FA2H: variants seen among roughly 807,000 people sequenced by gnomAD.
The protein encoded by FA2H is fatty acid 2-hydroxylase.
A neutral mutation model predicts 44.9 loss-of-function variants in FA2H; 22 were observed. The observed-to-expected ratio is 0.49, with a 90% CI of 0.35 to 0.70. The LOEUF is 0.70. Among genes scored for constraint, FA2H ranks in the 30% least tolerant of loss-of-function variants. The pLI is 0.01. For missense variants in FA2H, 501 were observed against 504.9 expected, an observed-to-expected ratio of 0.99 and a Z score of 0.07; for synonymous variants, 243 against 213.2, an observed-to-expected ratio of 1.14 and a Z score of -1.22.
In FA2H at chr16:74,769,154, A is replaced by G. The variant is rs115424433; in HGVS notation, c.270+5332T>C. Among the ~76,000 whole-genome samples, 476 of 152,294 alleles carry G rather than the reference A, an allele frequency of 3.1e-3. 5 individuals carry two copies. Among genetic ancestry groups the G allele is most frequent in the African/African-American group, 0.011 (464 of 41,564 alleles). ...GTCACTCAGGCTGCAGTGCAGTGGCATGATCACAGCTTATTGCAGGCTCAA... is the reference window on the plus strand; with the variant it reads ...GTCACTCAGGCTGCAGTGCAGTGGCGTGATCACAGCTTATTGCAGGCTCAA... On this transcript the variant is annotated intron_variant, in intron 1 of 6. Transcript: ENST00000219368.
intron 1 of FA2H, among the ~76,000 whole-genome samples, chr16:74,767,191 C>T (rs892487679): frequency 6.6e-6 from 1 of 152,032 alleles, no homozygotes; most frequent in Admixed American, 6.6e-5. Flanking sequence ...TGCCTGTAAT[C>T]CCAGCTACTT....
At position 74,768,031 on chromosome 16, in the gene FA2H, C is replaced by T. The variant is rs140743874; in HGVS notation, c.270+6455G>A. On this transcript the variant is annotated intron_variant, in intron 1 of 6. Coordinates refer to ENST00000219368, the MANE Select transcript of FA2H (RefSeq NM_024306.5). ...TTCTGTGATGTGGTGGGTTTCAGAG[C>T]GCATGGGATGCTTATCACCTGTCTA... 6.8e-3 allele frequency among the ~76,000 whole-genome samples: 1,029 copies of T among 152,096 alleles called. 6 individuals are homozygous for T. Among genetic ancestry groups the T allele is most frequent in the Middle Eastern group, 0.01 (3 of 294 alleles).
chr16:74,742,283 T>C (rs911087545), intron 1 of FA2H, among the ~76,000 whole-genome samples: 1 of 152,088 alleles, frequency 6.6e-6, no homozygotes, highest in South Asian at 2.1e-4. Context: ...GTGAAACAAA[T>C]GGAGTGGGTG....
intron 1 of FA2H, among the ~76,000 whole-genome samples, chr16:74,750,792 TAAGAGACA>T (rs1962514171): frequency 2.0e-5 from 3 of 151,410 alleles, no homozygotes; most frequent in Non-Finnish European, 4.4e-5. Context: ...TGTGTGTGTT[TAAGAGACA>T]GGGTCTCGCT....
Position 74,726,218 on chromosome 16 carries a change from G to A in FA2H, c.613+7C>T, listed in dbSNP as rs745949718. The stretch of plus-strand genomic sequence containing the variant: ...TCAGGGCAAGTCAGGAAAGAAACTG[G>A]CATTACCTGTTGTAAATGACGTGAA... On this transcript the variant is annotated splice_region_variant and intron_variant, in intron 4 of 6. Transcript: ENST00000219368. 6.3e-7 allele frequency: 1 copy of A among 1,594,266 alleles called. No homozygotes were observed.
At chr16:74,738,267 G>C (rs1373806535) in intron 2 of FA2H, among the ~76,000 whole-genome samples, 1 of 152,184 alleles carries the variant, frequency 6.6e-6, no homozygotes, top group Non-Finnish European at 1.5e-5. Context: ...TTGGACAGCT[G>C]GCCCGGAGCC....
chr16:74,744,654 A>G (rs1475528071), intron 1 of FA2H, among the ~76,000 whole-genome samples: 2 of 151,636 alleles, frequency 1.3e-5, no homozygotes, highest in South Asian at 4.2e-4. Context: ...GTCTTGATCT[A>G]TTGCTCAGGC....
chr16:74,738,838 C>T (rs1373970617), intron 2 of FA2H, among the ~76,000 whole-genome samples: 1 of 152,268 alleles, frequency 6.6e-6, no homozygotes, highest in Non-Finnish European at 1.5e-5. Context: ...AGCTCGCCGG[C>T]TGCATGGCCG....
chr16:74,759,072 A>G (rs1029763219), intron 1 of FA2H, among the ~76,000 whole-genome samples: 2 of 152,112 alleles, frequency 1.3e-5, no homozygotes, highest in African/African-American at 4.8e-5. Context: ...CTCCCTTAAC[A>G]CGGGTCTAGA....
intron 1 of FA2H, among the ~76,000 whole-genome samples, chr16:74,765,136 A>C (rs549928897): frequency 6.6e-6 from 1 of 150,454 alleles, no homozygotes; most frequent in Non-Finnish European, 1.5e-5. Flanking sequence ...TTAACAAGAC[A>C]CAGAAAAGAG....
intron 2 of FA2H, among the ~76,000 whole-genome samples, chr16:74,728,800 T>C (rs1276994862): frequency 2.8e-3 from 395 of 138,968 alleles, no homozygotes; most frequent in Non-Finnish European, 5.1e-3. Flanking sequence ...TTTTTTTTTT[T>C]TGAGACAGAG....
intron 2 of FA2H, among the ~76,000 whole-genome samples, chr16:74,739,132 C>G (rs943353834): frequency 1.3e-5 from 2 of 152,322 alleles, no homozygotes; most frequent in South Asian, 4.1e-4. Flanking sequence ...CATGCCACCT[C>G]CTGGGGTAAT....
At chr16:74,772,794 A>G (rs191088907) in intron 1 of FA2H, among the ~76,000 whole-genome samples, 1 of 152,332 alleles carries the variant, frequency 6.6e-6, no homozygotes, top group East Asian at 1.9e-4. Flanking sequence ...GAAATAATTT[A>G]TAAGTTTTAA....
chr16:74,748,599 C>A (rs1268863208), intron 1 of FA2H, among the ~76,000 whole-genome samples: 2 of 152,114 alleles, frequency 1.3e-5, no homozygotes, highest in Non-Finnish European at 2.9e-5. Context: ...TGGGAGGTCC[C>A]CAAGCCCCCA....
At chr16:74,746,361 T>C (rs1377818126) in intron 1 of FA2H, among the ~76,000 whole-genome samples, 1 of 148,578 alleles carries the variant, frequency 6.7e-6, no homozygotes, top group Non-Finnish European at 1.5e-5. Flanking sequence ...CTGGGCTCAA[T>C]TATTATTATT....
intron 1 of FA2H, among the ~76,000 whole-genome samples, chr16:74,761,243 A>G (rs1962702701): frequency 6.6e-6 from 1 of 152,222 alleles, no homozygotes; most frequent in Non-Finnish European, 1.5e-5. Flanking sequence ...CCCTGAGGTC[A>G]GGAGTTCGAG....
At chr16:74,772,614 T>C (rs1354590946) in intron 1 of FA2H, among the ~76,000 whole-genome samples, 1 of 152,164 alleles carries the variant, frequency 6.6e-6, no homozygotes, top group Admixed American at 6.6e-5. Flanking sequence ...CTAAGTCCTT[T>C]CAACCAAAGA....
chr16:74,745,497 G>C (rs548443023), intron 1 of FA2H, among the ~76,000 whole-genome samples: 1 of 152,360 alleles, frequency 6.6e-6, no homozygotes, highest in South Asian at 2.1e-4. Context: ...TCTACTTGGA[G>C]AGAAAAGGAT....
intron 1 of FA2H, among the ~76,000 whole-genome samples, chr16:74,742,267 G>A (rs540764062): frequency 6.6e-6 from 1 of 152,280 alleles, no homozygotes; most frequent in South Asian, 2.1e-4. Context: ...CACACTCCTT[G>A]GGGATGTGAA....
Sources: gnomAD v4.1 joint callset for allele counts (sites outside exome capture counted in the v4.1 genomes callset) on GRCh38, gnomAD v4.1.1 for gene constraint, MANE v1.5 for transcripts, NCBI Gene and HGNC (gene_info 2026-07-23, HGNC 2026-07-21) for gene names.